Variants in SYT1 observed in about 807,000 individuals in gnomAD.
SYT1 encodes synaptotagmin 1.
A neutral mutation model predicts 44.8 loss-of-function variants in SYT1; 8 were observed. The observed-to-expected ratio is 0.18, with a 90% confidence interval of 0.10 to 0.32. The LOEUF (loss-of-function observed/expected upper bound fraction) is 0.32, where lower values mean the gene tolerates loss of function less well. SYT1 is among the 10% of genes least tolerant of loss of function. The pLI is 1.00. For synonymous variants in SYT1, 154 were observed against 188.8 expected (o/e 0.82, Z 1.51); for missense variants, 286 against 509.3 (o/e 0.56, Z 4.22).
chr12:79,182,356 T>A (rs1304692251), intron 3 of SYT1, among the ~76,000 whole-genome samples: 1 of 152,114 alleles, frequency 6.6e-6, no homozygotes, highest in Non-Finnish European at 1.5e-5. Flanking sequence ...TCCTAAATGC[T>A]CTTATTCTCT....
At chr12:79,088,740 G>C (rs1224498563) in intron 3 of SYT1, among the ~76,000 whole-genome samples, 2 of 88,054 alleles carry the variant, frequency 2.3e-5, no homozygotes, top group South Asian at 3.1e-4. Context: ...CTTTGGGCCT[G>C]TGTGTGTGTG....
chr12:79,131,811 C>T (rs1027581870), intron 3 of SYT1, among the ~76,000 whole-genome samples: 1 of 152,054 alleles, frequency 6.6e-6, no homozygotes, highest in African/African-American at 2.4e-5. Context: ...TTGAACAGCC[C>T]ATTTTACAAA....
At chr12:79,061,984 T>A (rs185090401) in intron 3 of SYT1, among the ~76,000 whole-genome samples, 65 of 152,318 alleles carry the variant, frequency 4.3e-4, no homozygotes, top group African/African-American at 1.3e-3. Context: ...ATAATTTTTT[T>A]AAAAAAGAAT....
intron 1 of SYT1, among the ~76,000 whole-genome samples, chr12:78,919,314 C>T (rs114619678): frequency 0.014 from 2,070 of 152,088 alleles, 44 homozygotes; most frequent in African/African-American, 0.047. Context: ...CTAGAATCTG[C>T]TGGGTGGCTA....
intron 3 of SYT1, among the ~76,000 whole-genome samples, chr12:79,099,277 AT>A (rs937357609): frequency 2.0e-5 from 3 of 152,154 alleles, no homozygotes; most frequent in Non-Finnish European, 2.9e-5. Context: ...AAATGTATTA[AT>A]TCAAAAAATC....
chr12:79,181,322 C>T (rs568894065), intron 3 of SYT1, among the ~76,000 whole-genome samples: 1 of 152,050 alleles, frequency 6.6e-6, no homozygotes, highest in South Asian at 2.1e-4. Context: ...AAAACAAAGT[C>T]ATTCATAACA....
chr12:79,045,033 A>T (rs1873908195), intron 2 of SYT1, among the ~76,000 whole-genome samples: 1 of 152,112 alleles, frequency 6.6e-6, no homozygotes, highest in African/African-American at 2.4e-5. Context: ...AAGCTGTCAG[A>T]CAGGGACATT....
intron 4 of SYT1, among the ~76,000 whole-genome samples, chr12:79,242,808 G>T (rs776498345): frequency 2.0e-5 from 3 of 152,182 alleles, no homozygotes; most frequent in African/African-American, 2.4e-5. Context: ...TGTATTGCAC[G>T]TGTATATAAC....
chr12:79,014,648 T>A (rs193008557), intron 2 of SYT1, among the ~76,000 whole-genome samples: 1 of 152,268 alleles, frequency 6.6e-6, no homozygotes, highest in Admixed American at 6.5e-5. Flanking sequence ...TGGAAGTCAG[T>A]GTGGCGATTC....
At chr12:79,197,870 T>C (rs1457992243) in intron 3 of SYT1, among the ~76,000 whole-genome samples, 1 of 152,142 alleles carries the variant, frequency 6.6e-6, no homozygotes, top group African/African-American at 2.4e-5. Context: ...AAGGTAACAC[T>C]GTTACTTTGA....
Position 79,449,181 on chromosome 12 carries a change from T to C in SYT1, c.*57T>C, listed in dbSNP as rs936360386. ...TATAGTGCTCTTTAGCCAGTATCTG[T>C]AAATACCTCAGTAATATGGGTCCTT... On this transcript the variant is annotated 3_prime_UTR_variant, in exon 11 of 11. Coordinates refer to ENST00000261205, the MANE Select transcript of SYT1 (RefSeq NM_005639.3). 1 of 1,511,904 alleles carries C rather than the reference T, an allele frequency of 6.6e-7. No homozygotes were observed. Among genetic ancestry groups the C allele is most frequent in the Non-Finnish European group, 9.0e-7 (1 of 1,112,142 alleles). The allele number at this position is 1,511,904 out of a possible 1,614,324, so 93.7% of individuals were successfully genotyped here. A position where few individuals can be genotyped will look rare whatever the true frequency, so the allele number is the denominator to read the frequency against.
intron 1 of SYT1, among the ~76,000 whole-genome samples, chr12:78,949,815 T>A (rs1371101684): frequency 6.6e-6 from 1 of 151,964 alleles, no homozygotes; most frequent in African/African-American, 2.4e-5. Flanking sequence ...TCCATCCCAT[T>A]AGGGTGAAAG....
At chr12:78,969,145 T>C (rs1488841314) in intron 1 of SYT1, among the ~76,000 whole-genome samples, 4 of 152,230 alleles carry the variant, frequency 2.6e-5, no homozygotes, top group Admixed American at 2.0e-4. Context: ...TTACATGGCA[T>C]TTACATTGTA....
Position 79,292,067 on chromosome 12 carries a change from C to A in SYT1, c.411C>A (p.Pro137=), listed in dbSNP as rs1175978184. 1 of 1,613,962 alleles carries A rather than the reference C, an allele frequency of 6.2e-7. No individual in the cohort carries two copies. Among genetic ancestry groups the A allele is most frequent in the Non-Finnish European group, 8.5e-7 (1 of 1,179,988 alleles). The part of the protein sequence containing the change: ...GLTDGEEKEE[P]KEEEKLGKLQ... ...CAGATGGAGAAGAAAAAGAAGAACC[C>A]AAAGAAGAGGAGAAACTGGGAAAAC... The change falls in exon 6 of 11, where the codon CCC becomes CCA. Residue 137 remains proline (P), a synonymous_variant. Transcript: ENST00000261205.
At chr12:79,256,367 C>T (rs1877517142) in intron 4 of SYT1, among the ~76,000 whole-genome samples, 1 of 152,292 alleles carries the variant, frequency 6.6e-6, no homozygotes, top group Admixed American at 6.5e-5. Context: ...GCTTTGTTGG[C>T]CTGCAGAATC....
chr12:79,204,807 G>A (rs1368981623), intron 3 of SYT1, among the ~76,000 whole-genome samples: 1 of 30,902 alleles, frequency 3.2e-5, no homozygotes, highest in African/African-American at 1.5e-4. Context: ...TTTTTGAGAC[G>A]GAGTCTCTCT....
intron 3 of SYT1, among the ~76,000 whole-genome samples, chr12:79,134,297 A>T (rs950795333): frequency 2.0e-5 from 3 of 152,248 alleles, no homozygotes; most frequent in Non-Finnish European, 4.4e-5. Flanking sequence ...TTGAATTACT[A>T]TAAAAGAAAA....
chr12:79,185,863 C>CAA (rs1169857892), intron 3 of SYT1, among the ~76,000 whole-genome samples: 38 of 103,778 alleles, frequency 3.7e-4, no homozygotes, highest in African/African-American at 1.4e-3. Context: ...GAGATACTCT[C>CAA]CATTTTTTAA....
At chr12:79,039,612 A>ATTT (rs1190611901) in intron 2 of SYT1, among the ~76,000 whole-genome samples, 1 of 147,874 alleles carries the variant, frequency 6.8e-6, no homozygotes, top group Non-Finnish European at 1.5e-5. Flanking sequence ...TTTTTTATTT[A>ATTT]TTTTTATTTT....
Sources: allele counts gnomAD v4.1 joint callset (sites outside exome capture counted in the v4.1 genomes callset), GRCh38; gene constraint gnomAD v4.1.1; transcripts MANE v1.5; gene names NCBI Gene and HGNC (gene_info 2026-07-23, HGNC 2026-07-21).